The following DLG1 variants were observed in gnomAD, a reference collection of about 807,000 sequenced individuals.
DLG1 encodes disks large homolog 1.
DLG1 carries 42 observed loss-of-function variants against 123.4 expected under a neutral mutation model. The ratio of observed to expected loss-of-function variants is 0.34; its 90% confidence interval spans 0.27 to 0.44. The LOEUF (loss-of-function observed/expected upper bound fraction) is 0.44, where lower values mean the gene tolerates loss of function less well. Ranked by LOEUF, DLG1 falls within the 20% of genes least tolerant of loss-of-function variation. The pLI is 1.00. For missense variants in DLG1, 942 were observed against 1,082.6 expected (o/e 0.87, Z 1.82); for synonymous variants, 317 against 356.2 (o/e 0.89, Z 1.24).
chr3:197,138,112 G>A (rs1786034674), intron 9 of DLG1, 110 bp downstream of exon 9: 1 of 588,442 alleles, frequency 1.7e-6, no homozygotes, highest in African/African-American at 1.9e-5. Flanking sequence ...CTCAAGTTCT[G>A]TAGAATATTA....
At chr3:197,270,167 CAAAAT>C (rs1253447224) in intron 4 of DLG1, among the ~76,000 whole-genome samples, 2 of 152,102 alleles carry the variant, frequency 1.3e-5, no homozygotes, top group Non-Finnish European at 2.9e-5. Flanking sequence ...AGTGAAAACT[CAAAAT>C]AAACTTGGGA....
At chr3:197,210,433 A>C (rs962858707) in intron 4 of DLG1, among the ~76,000 whole-genome samples, 1 of 144,646 alleles carries the variant, frequency 6.9e-6, no homozygotes, top group Non-Finnish European at 1.5e-5. Flanking sequence ...CAATAATAAA[A>C]AATGCAAGAG....
chr3:197,078,120 T>C (rs1209272857), intron 17 of DLG1, among the ~76,000 whole-genome samples: 1 of 135,630 alleles, frequency 7.4e-6, no homozygotes, highest in East Asian at 2.1e-4. Flanking sequence ...AAAATCAGCC[T>C]AGGCAACATG....
chr3:197,241,549 A>G (rs1213543040), intron 4 of DLG1, among the ~76,000 whole-genome samples: 1 of 152,178 alleles, frequency 6.6e-6, no homozygotes, highest in African/African-American at 2.4e-5. Context: ...GTGGTATGCA[A>G]TCCACTCACG....
chr3:197,059,379 G>A (rs1408350163), intron 23 of DLG1, among the ~76,000 whole-genome samples: 1 of 152,138 alleles, frequency 6.6e-6, no homozygotes, highest in Non-Finnish European at 1.5e-5. Context: ...TCTGATGAAA[G>A]CCACATATAA....
chr3:197,062,449 G>A (rs1432802255), intron 22 of DLG1, among the ~76,000 whole-genome samples: 1 of 152,112 alleles, frequency 6.6e-6, no homozygotes, highest in East Asian at 1.9e-4. Flanking sequence ...TATCATTATG[G>A]ACTCTACGAT....
At position 197,059,893 on chromosome 3, in the gene DLG1, T is replaced by C. The variant is rs2148821854; in HGVS notation, c.2479A>G (p.Ile827Val). ...GCCTTAGGCATTTACACTTACATGA[T>C]ATTTTCCATGGATTTGGGTTTAATA... ...IFIKPKSMEN[I>V]MEMNKRLTEE... Residue 827 changes from isoleucine to valine, a missense_variant, in exon 23 of 25, where the codon ATC (isoleucine) becomes GTC (valine). Physicochemically the swap from Ile to Val is conservative, Grantham distance 29 (BLOSUM62 3). Transcript: ENST00000667157. The C allele has an allele frequency of 6.2e-7, 1 of 1,608,380 alleles. No individual in the cohort carries two copies. The highest frequency in any genetic ancestry group is 2.2e-5 in the East Asian group (1 of 44,768).
intron 4 of DLG1, among the ~76,000 whole-genome samples, chr3:197,280,406 G>A (rs1768721868): frequency 6.6e-6 from 1 of 151,536 alleles, no homozygotes; most frequent in Admixed American, 6.6e-5. Flanking sequence ...TAGATATTTA[G>A]ATTGATTTGA....
intron 4 of DLG1, among the ~76,000 whole-genome samples, chr3:197,245,377 C>T (rs1227610993): frequency 6.6e-6 from 1 of 152,146 alleles, no homozygotes; most frequent in Non-Finnish European, 1.5e-5. Flanking sequence ...CCAGTAGATA[C>T]TTTAGGCGGC....
chr3:197,296,863 G>T lies in DLG1; in HGVS notation c.19+323C>A, dbSNP rs531392707. 1.1e-5 allele frequency: 4 copies of T among 355,774 alleles called. No homozygotes were observed. The South Asian group carries it at 1.6e-4, about 14-fold the overall frequency. 22.0% of individuals were successfully genotyped at this position (355,774 alleles called of 1,614,324 possible). A position where few individuals can be genotyped will look rare whatever the true frequency, so the allele number is the denominator to read the frequency against. ...TAACATTTCAAAATACAAATTCTTA[G>T]TATCCCACAGTTGCTTACAGAATAG... is the stretch of plus-strand genomic sequence containing the variant. On this transcript the variant is annotated intron_variant, in intron 2 of 24. Transcript: ENST00000667157.
rs75589240 is a variant in DLG1, at chr3:197,079,697, G to A, written c.1905+1354C>T. Among the ~76,000 whole-genome samples the A allele has an allele frequency of 1.0e-3, 154 of 152,112 alleles. No homozygotes were observed. In the East Asian group the frequency reaches 0.029, roughly 28 times the overall value. The stretch of plus-strand genomic sequence containing the variant: ...TTTTTCAAATCCTGAGCATTTACCT[G>A]GGATTTTTCCTCTAATACAAATTTC... On this transcript the variant is annotated intron_variant, in intron 17 of 24. Transcript: ENST00000667157.
intron 5 of DLG1, among the ~76,000 whole-genome samples, chr3:197,185,624 G>C (rs1715467297): frequency 1.3e-5 from 2 of 152,174 alleles, no homozygotes; most frequent in South Asian, 2.1e-4. Flanking sequence ...TTTTGTTATG[G>C]ACCAGGTACC....
At chr3:197,298,770 G>T (rs1778641537), upstream of DLG1, 1 of 395,422 alleles carries the variant, frequency 2.5e-6, no homozygotes, top group Admixed American at 4.4e-5. Flanking sequence ...GTTACTCTTC[G>T]TCCCTTAGTA....
At chr3:197,165,841 T>C (rs1801129151) in intron 5 of DLG1, among the ~76,000 whole-genome samples, 1 of 152,176 alleles carries the variant, frequency 6.6e-6, no homozygotes, top group African/African-American at 2.4e-5. Flanking sequence ...CCTTAAACTA[T>C]ACATAAGATT....
chr3:197,133,147 C>T (rs1015707304), intron 10 of DLG1, among the ~76,000 whole-genome samples: 5 of 152,174 alleles, frequency 3.3e-5, no homozygotes, highest in African/African-American at 4.8e-5. Flanking sequence ...TGCTTGTCCA[C>T]GTAACTAGCT....
intron 4 of DLG1, among the ~76,000 whole-genome samples, chr3:197,231,165 T>C (rs1213207460): frequency 1.3e-5 from 2 of 152,352 alleles, no homozygotes; most frequent in Non-Finnish European, 2.9e-5. Context: ...GGGATTTAAA[T>C]GATTAATGGA....
chr3:197,060,432 C>T (rs1368594118), intron 22 of DLG1, among the ~76,000 whole-genome samples: 1 of 152,094 alleles, frequency 6.6e-6, no homozygotes, highest in African/African-American at 2.4e-5. Context: ...CTGTGCCAGG[C>T]CCAGGTTCCT....
At chr3:197,142,603 GA>G (rs1788585432) in intron 7 of DLG1, 114 bp downstream of exon 7, 1 of 692,596 alleles carries the variant, frequency 1.4e-6, no homozygotes, top group African/African-American at 1.9e-5. Context: ...TATGAACTGG[GA>G]ACTTAGAAAA....
chr3:197,192,978 T>A (rs1172613842), intron 5 of DLG1, among the ~76,000 whole-genome samples: 1 of 152,078 alleles, frequency 6.6e-6, no homozygotes, highest in Non-Finnish European at 1.5e-5. Flanking sequence ...ATCTGAAATG[T>A]TAAAAATTAC....
Sources: allele counts gnomAD v4.1 joint callset (sites outside exome capture counted in the v4.1 genomes callset), GRCh38; gene constraint gnomAD v4.1.1; transcripts MANE v1.5; gene names NCBI Gene and HGNC (gene_info 2026-07-23, HGNC 2026-07-21).